The following CNBD1 variants were observed in gnomAD, a reference collection of about 807,000 sequenced individuals.
CNBD1 encodes the protein cyclic nucleotide binding domain containing 1.
CNBD1 carries 71 observed loss-of-function variants against 54.4 expected under a neutral mutation model. The observed-to-expected ratio is 1.30, with a 90% confidence interval of 1.08 to 1.59. The LOEUF is 1.59. Among genes scored for constraint, CNBD1 ranks in the 40% most tolerant of loss-of-function variants. The probability of loss-of-function intolerance (pLI) is 0.00; values close to 1 mark genes in which losing one functional copy is unlikely to be tolerated. For missense variants in CNBD1, 659 were observed against 518.0 expected (o/e 1.27, Z -2.64); for synonymous variants, 182 against 170.7 (o/e 1.07, Z -0.51).
intron 6 of CNBD1, among the ~76,000 whole-genome samples, chr8:87,240,504 C>T (rs1165802970): frequency 6.6e-6 from 1 of 152,270 alleles, no homozygotes; most frequent in Non-Finnish European, 1.5e-5. Flanking sequence ...AATAACCTCA[C>T]TCTTTTTGGT....
chr8:87,194,865 T>A (rs1229733559), intron 4 of CNBD1, among the ~76,000 whole-genome samples: 3 of 152,068 alleles, frequency 2.0e-5, no homozygotes, highest in African/African-American at 7.2e-5. Context: ...GTGTCTTTTT[T>A]TGTTGTTTTT....
intron 4 of CNBD1, among the ~76,000 whole-genome samples, chr8:87,053,433 A>C (rs1471543339): frequency 6.6e-6 from 1 of 152,176 alleles, no homozygotes; most frequent in Non-Finnish European, 1.5e-5. Flanking sequence ...GTGCAGGCTG[A>C]GGATGGTTTT....
chr8:87,092,981 C>G (rs1262116956), intron 4 of CNBD1, among the ~76,000 whole-genome samples: 1 of 152,204 alleles, frequency 6.6e-6, no homozygotes, highest in Non-Finnish European at 1.5e-5. Context: ...CCTTTCATAT[C>G]TACTCCTTCC....
At chr8:87,428,488 T>TATC (rs77859984) in intron 2 of CNBD1, 1 of 366,616 alleles carries the variant, frequency 2.7e-6, no homozygotes, top group Non-Finnish European at 5.3e-6. Context: ...GCAATTGCTC[T>TATC]TTTTATGAAG....
At chr8:87,231,253 A>G (rs536793585) in intron 5 of CNBD1, among the ~76,000 whole-genome samples, 23 of 152,298 alleles carry the variant, frequency 1.5e-4, no homozygotes, top group African/African-American at 5.3e-4. Context: ...GTATTTTTTA[A>G]CTGAAAATGT....
chr8:86,893,070 T>G (rs1808796589), intron 2 of CNBD1, among the ~76,000 whole-genome samples: 1 of 152,194 alleles, frequency 6.6e-6, no homozygotes, highest in Non-Finnish European at 1.5e-5. Context: ...CCATTTTTTA[T>G]TTTGAGGTTT....
At chr8:87,205,892 A>G (rs971017574) in intron 4 of CNBD1, 101 bp from the exon 5 acceptor site, 57 of 1,008,236 alleles carry the variant, frequency 5.7e-5, no homozygotes, top group Non-Finnish European at 7.3e-5. Context: ...ACCCTTAACT[A>G]AACAGAAAAT....
At chr8:87,329,214 C>T (rs571561200) in intron 8 of CNBD1, among the ~76,000 whole-genome samples, 7 of 152,198 alleles carry the variant, frequency 4.6e-5, no homozygotes, top group East Asian at 3.9e-4. Flanking sequence ...TTTCAAGGAT[C>T]AGTTGACTAT....
intron 4 of CNBD1, among the ~76,000 whole-genome samples, chr8:87,047,528 G>C (rs1022422598): frequency 2.0e-5 from 3 of 152,176 alleles, no homozygotes; most frequent in Non-Finnish European, 2.9e-5. Flanking sequence ...TACTAAGCTT[G>C]ACAGAAACAA....
Position 87,426,380 on chromosome 8 carries a change from C to G in CNBD1, c.214-2166C>G, listed in dbSNP as rs142631907. ...TTTTCTAAATTATTAAATGCAACATCATGATCGGAGTAATGTAAGGTTGGT... is the reference window on the plus strand; with the variant it reads ...TTTTCTAAATTATTAAATGCAACATGATGATCGGAGTAATGTAAGGTTGGT... On this transcript the variant is annotated intron_variant, in intron 2 of 7. Coordinates refer to the CNBD1 transcript ENST00000521593. 7.2e-3 allele frequency among the ~76,000 whole-genome samples: 1,091 copies of G among 152,300 alleles called. 8 individuals carry two copies. The highest frequency in any genetic ancestry group is 0.017 in the Middle Eastern group (5 of 292).
At chr8:87,178,105 T>A (rs1813234556) in intron 4 of CNBD1, among the ~76,000 whole-genome samples, 1 of 152,214 alleles carries the variant, frequency 6.6e-6, no homozygotes, top group Admixed American at 6.5e-5. Flanking sequence ...AATAAAAATC[T>A]ATTGAGCACG....
intron 6 of CNBD1, among the ~76,000 whole-genome samples, chr8:87,263,526 C>T (rs963265294): frequency 3.3e-5 from 5 of 151,860 alleles, no homozygotes; most frequent in African/African-American, 1.2e-4. Context: ...AAATTGTTTT[C>T]AGTAAAATTA....
intron 4 of CNBD1, among the ~76,000 whole-genome samples, chr8:87,129,068 T>C (rs1812059765): frequency 8.1e-4 from 1 of 1,236 alleles, no homozygotes; most frequent in Non-Finnish European, 2.3e-3. Flanking sequence ...AGACTCTGCC[T>C]CAAAAAAAAA....
chr8:87,307,216 A>G (rs1015883680), intron 8 of CNBD1, among the ~76,000 whole-genome samples: 7 of 152,216 alleles, frequency 4.6e-5, no homozygotes, highest in African/African-American at 1.4e-4. Flanking sequence ...TGTACTTACA[A>G]TGCAAACGAA....
At chr8:86,925,698 T>C (rs1251651039) in intron 3 of CNBD1, among the ~76,000 whole-genome samples, 1 of 145,488 alleles carries the variant, frequency 6.9e-6, no homozygotes, top group Non-Finnish European at 1.5e-5. Context: ...CTTGCTAACA[T>C]GGTGAAACAC....
intron 4 of CNBD1, among the ~76,000 whole-genome samples, chr8:87,047,072 A>C (rs961913921): frequency 7.2e-5 from 11 of 152,170 alleles, no homozygotes; most frequent in Non-Finnish European, 1.6e-4. Context: ...GTGTTAGATT[A>C]GCTTTCTCCT....
chr8:87,181,142 G>C (rs1813303271), intron 4 of CNBD1, among the ~76,000 whole-genome samples: 1 of 152,120 alleles, frequency 6.6e-6, no homozygotes, highest in Non-Finnish European at 1.5e-5. Flanking sequence ...TCATTTTAAA[G>C]AGTCATTTTG....
chr8:87,342,412 T>A (rs1810083830), intron 8 of CNBD1, among the ~76,000 whole-genome samples: 1 of 152,210 alleles, frequency 6.6e-6, no homozygotes, highest in Non-Finnish European at 1.5e-5. Context: ...AATTAGAGTA[T>A]ATTTCTCTCA....
At chr8:87,418,331 T>G (rs2130990768) in intron 2 of CNBD1, among the ~76,000 whole-genome samples, 1 of 152,088 alleles carries the variant, frequency 6.6e-6, no homozygotes, top group African/African-American at 2.4e-5. Flanking sequence ...AATATGAATT[T>G]GGACCCCAAT....
Sources: gnomAD v4.1 joint callset for allele counts (sites outside exome capture counted in the v4.1 genomes callset) on GRCh38, gnomAD v4.1.1 for gene constraint, MANE v1.5 for transcripts, NCBI Gene and HGNC (gene_info 2026-07-23, HGNC 2026-07-21) for gene names.